TSPEAR: variants seen among roughly 807,000 people sequenced by gnomAD.
TSPEAR encodes thrombospondin type laminin G domain and EAR repeats, also known as thrombospondin-type laminin G domain and EAR repeat-containing protein.
Under a neutral mutation model 71.6 loss-of-function variants are expected in TSPEAR, and 69 were observed. That is an observed-to-expected ratio of 0.96 (90% CI 0.79 to 1.18). TSPEAR has a LOEUF of 1.18. Ranked by LOEUF, TSPEAR falls within the 50% of genes most tolerant of loss-of-function variation. The pLI is 0.00. For missense variants in TSPEAR, 971 were observed against 894.9 expected, an observed-to-expected ratio of 1.09 and a Z score of -1.09; for synonymous variants, 402 against 387.2, an observed-to-expected ratio of 1.04 and a Z score of -0.45.
chr21:44,583,032 G>T (rs1484180461), intron 1 of TSPEAR, among the ~76,000 whole-genome samples: 2 of 152,080 alleles, frequency 1.3e-5, no homozygotes, highest in Middle Eastern at 3.2e-3. Flanking sequence ...AGTAGAGATG[G>T]GGTTTGGACA....
At position 44,521,986 on chromosome 21, in the gene TSPEAR, G is replaced by T. The variant is rs2052743639; in HGVS notation, c.1463C>A (p.Ser488Ter). 2.5e-6 allele frequency: 4 copies of T among 1,614,164 alleles called. No individual in the cohort carries two copies. Among genetic ancestry groups the T allele is most frequent in the Non-Finnish European group, 2.5e-6 (3 of 1,180,020 alleles). The change falls in exon 9 of 12, where the codon TCG (serine) becomes TAG (stop). Residue 488 changes from serine (S) to a stop codon, truncating the protein, a stop_gained. Coordinates refer to ENST00000323084, the MANE Select transcript of TSPEAR (RefSeq NM_144991.3). LOFTEE classifies it high-confidence loss of function. ...GAAGGTGTTGGCCACCACCAGGAAC[G>T]AGTAGGGCCCCACACTGAAGAACTC... ...DWEFFSVGPY[S>*]FLVVANTFNG...
chr21:44,539,054 A>G (rs2053149120), intron 2 of TSPEAR: 8 of 630,866 alleles, frequency 1.3e-5, no homozygotes, highest in Middle Eastern at 4.3e-4. Flanking sequence ...CAAGTGACCC[A>G]GAGCAGAGAA....
At chr21:44,669,888 C>A (rs896513283) in intron 1 of TSPEAR, among the ~76,000 whole-genome samples, 1 of 152,148 alleles carries the variant, frequency 6.6e-6, no homozygotes, top group African/African-American at 2.4e-5. Flanking sequence ...TTGGGAACAA[C>A]AGGCCTGCCC....
chr21:44,623,479 A>G lies in TSPEAR; in HGVS notation c.83-55474T>C, dbSNP rs190879583. On this transcript the variant is annotated intron_variant, in intron 1 of 11. Transcript: ENST00000323084. This position sits in a 1 kb window ranked among gnomAD's most constrained non-coding sequence, Gnocchi z 4.5. ...CAACTTCTAAGACATCTTATACAGT[A>G]AATATTCATTTAGATTTCCCCATGT... Among the ~76,000 whole-genome samples, 1 of 152,362 alleles carries G rather than the reference A, an allele frequency of 6.6e-6. No homozygotes were observed. Among genetic ancestry groups the G allele is most frequent in the Non-Finnish European group, 1.5e-5 (1 of 68,032 alleles).
At chr21:44,652,295 A>C (rs1984854637) in intron 1 of TSPEAR, among the ~76,000 whole-genome samples, 1 of 152,198 alleles carries the variant, frequency 6.6e-6, no homozygotes, top group South Asian at 2.1e-4. Context: ...ATTCTCTAAA[A>C]GTTTAATTTT....
rs781841779 is a variant in TSPEAR, at chr21:44,627,939, C to T, written c.83-59934G>A. The T allele has an allele frequency of 1.6e-5, 25 of 1,518,480 alleles. No homozygotes were observed. In the East Asian group the frequency reaches 6.0e-4, roughly 37 times the overall value. 94.1% of individuals were successfully genotyped at this position (1,518,480 alleles called of 1,614,324 possible). On this transcript the variant is annotated intron_variant, in intron 1 of 11. Transcript: ENST00000323084. ...CCTCCTGCTGTGCCCCCACCTCCTC[C>T]CGCCAGCCCAGCTATTGCCGCCAGG...
At chr21:44,680,601 C>A (rs1452658612) in intron 1 of TSPEAR, among the ~76,000 whole-genome samples, 1 of 152,158 alleles carries the variant, frequency 6.6e-6, no homozygotes, top group Admixed American at 6.5e-5. Context: ...ATGTTTATTG[C>A]AGCACTATTC....
intron 1 of TSPEAR, chr21:44,602,286 G>A (rs1449911652): frequency 6.1e-6 from 1 of 163,172 alleles, no homozygotes; most frequent in East Asian, 1.8e-4. Flanking sequence ...CTTCCCAGGC[G>A]TCCTGGCAGC....
chr21:44,508,578 G>T, intron 10 of TSPEAR: 1 of 1,173,390 alleles, frequency 8.5e-7, no homozygotes, highest in Non-Finnish European at 1.1e-6. Context: ...TGGTCAGGAT[G>T]GTTGTGGATT....
intron 9 of TSPEAR, among the ~76,000 whole-genome samples, chr21:44,513,117 G>A (rs2052443153): frequency 6.6e-6 from 1 of 152,228 alleles, no homozygotes; most frequent in African/African-American, 2.4e-5. Flanking sequence ...ACTGGCTGGA[G>A]GCTGGCAGAA....
At chr21:44,540,285 T>C in intron 2 of TSPEAR, 1 of 1,434,502 alleles carries the variant, frequency 7.0e-7, no homozygotes, top group Non-Finnish European at 9.5e-7. Context: ...CTTCTGGCCT[T>C]GTTGTTCCAG....
At chr21:44,571,625 A>T (rs1555922510) in intron 1 of TSPEAR, among the ~76,000 whole-genome samples, 1 of 152,164 alleles carries the variant, frequency 6.6e-6, no homozygotes, top group Non-Finnish European at 1.5e-5. Flanking sequence ...GGCAAATCTG[A>T]GATGAACTTG....
intron 1 of TSPEAR, among the ~76,000 whole-genome samples, chr21:44,670,970 T>C (rs1373220323): frequency 2.0e-5 from 3 of 152,128 alleles, no homozygotes; most frequent in Admixed American, 1.3e-4. Flanking sequence ...CCACCCACCA[T>C]CATAAATTAC....
chr21:44,626,875 G>A (rs1982823786), intron 1 of TSPEAR, among the ~76,000 whole-genome samples: 1 of 152,002 alleles, frequency 6.6e-6, no homozygotes, highest in Admixed American at 6.6e-5. Flanking sequence ...GAACCCAGCT[G>A]GGATCAGGCC....
chr21:44,702,263 C>T (rs1038115111), intron 1 of TSPEAR: 58 of 1,606,308 alleles, frequency 3.6e-5, no homozygotes, highest in East Asian at 1.3e-4. Flanking sequence ...GACGACTGCC[C>T]GGAGAGCTGC....
At chr21:44,576,306 G>T (rs1555923977) in intron 1 of TSPEAR, among the ~76,000 whole-genome samples, 1 of 146,638 alleles carries the variant, frequency 6.8e-6, no homozygotes. Flanking sequence ...TCCCAGGGTG[G>T]GTGAGGGGGC....
At chr21:44,647,482 G>C in intron 1 of TSPEAR, 1 of 1,153,294 alleles carries the variant, frequency 8.7e-7, no homozygotes, top group South Asian at 1.6e-5. Context: ...TGCCTGAAGG[G>C]GATTTTGAGC....
rs141348106 is a variant in TSPEAR at position 44,637,732 on chromosome 21, C to T, written c.83-69727G>A. The T allele has an allele frequency of 8.9e-5, 118 of 1,331,524 alleles. No homozygotes were observed. The East Asian group carries it at 1.6e-3, about 18-fold the overall frequency. 82.5% of individuals were successfully genotyped at this position (1,331,524 alleles called of 1,614,324 possible). A position where few individuals can be genotyped will look rare whatever the true frequency, so the allele number is the denominator to read the frequency against. On this transcript the variant is annotated intron_variant, in intron 1 of 11. Transcript: ENST00000323084. ...CTGTCTGCTGTGTGCCCGTCTGCTG[C>T]GTGCCCGTCTGTAACAAGCCTGTGT... is the stretch of plus-strand genomic sequence containing the variant.
chr21:44,551,594 G>C lies in TSPEAR; in HGVS notation c.303+16191C>G, dbSNP rs186881655. On this transcript the variant is annotated intron_variant, in intron 2 of 11. Coordinates refer to ENST00000323084, the MANE Select transcript of TSPEAR (RefSeq NM_144991.3). ...GCCCAGGGCCTGTGTTTTCCCAGCAGGAGACTCAGCAACGCCCTCCACTTC... is the reference window on the plus strand; with the variant it reads ...GCCCAGGGCCTGTGTTTTCCCAGCACGAGACTCAGCAACGCCCTCCACTTC... 99 of 1,286,770 alleles carry C rather than the reference G, an allele frequency of 7.7e-5. No homozygotes were observed. In the East Asian group the frequency reaches 2.4e-3, roughly 31 times the overall value. The allele number at this position is 1,286,770 out of a possible 1,614,324, so 79.7% of individuals were successfully genotyped here.
Sources: allele counts gnomAD v4.1 joint callset (sites outside exome capture counted in the v4.1 genomes callset), GRCh38; gene constraint gnomAD v4.1.1; non-coding constraint Gnocchi (gnomAD v3.1); transcripts MANE v1.5; gene names NCBI Gene and HGNC (gene_info 2026-07-23, HGNC 2026-07-21).